SERPINF2: variants seen among roughly 807,000 people sequenced by gnomAD.
The protein encoded by SERPINF2 is serpin family F member 2, also known as alpha-2-antiplasmin.
Under a neutral mutation model 45.0 loss-of-function variants are expected in SERPINF2, and 15 were observed. The observed-to-expected ratio is 0.33, with a 90% confidence interval of 0.22 to 0.51. SERPINF2 has a LOEUF of 0.51. Ranked by LOEUF, SERPINF2 falls within the 20% of genes least tolerant of loss-of-function variation. The pLI is 0.97. For missense variants in SERPINF2, 518 were observed against 637.4 expected (o/e 0.81, Z 2.02); for synonymous variants, 283 against 277.9 (o/e 1.02, Z -0.18).
At chr17:1,753,994 T>G (rs1906615510) in intron 9 of SERPINF2, 128 bp from the exon 10 acceptor site, 3 of 1,066,920 alleles carry the variant, frequency 2.8e-6, no homozygotes, top group Non-Finnish European at 4.1e-6. Context: ...GGAAACCGGA[T>G]AGGAATGAAG....
intron 1 of SERPINF2, 80 bp downstream of exon 1, chr17:1,742,988 G>A: frequency 1.0e-6 from 1 of 985,486 alleles, no homozygotes; most frequent in Non-Finnish European, 1.2e-6. Flanking sequence ...AGGGGTCTGG[G>A]ATTTATTCAG....
chr17:1,744,737 A>T (rs1905635965), intron 1 of SERPINF2: 37 of 985,406 alleles, frequency 3.8e-5, no homozygotes, highest in Non-Finnish European at 4.5e-5. Context: ...ATTCACCAAA[A>T]CACCCTCAGT....
chr17:1,748,601 T>G lies in SERPINF2; in HGVS notation c.719T>G (p.Phe240Cys). ...CCTGCCCTCTGCTGGGTTTCAGGTT[T>G]CTGGAGGAACAAGTTTGACCCGAGC... is the stretch of plus-strand genomic sequence containing the variant. ...LLLNAIHFQG[F>C]WRNKFDPSLT... Residue 240 changes from phenylalanine (F) to cysteine (C), a missense_variant, in exon 8 of 10, where the codon TTC becomes TGC. Phe to Cys is a radical substitution (Grantham distance 205, BLOSUM62 -2). Around this residue, in one of 2 missense-constraint regions of SERPINF2, gnomAD observed 435 missense variants for 577.3 expected, o/e 0.75. Coordinates refer to ENST00000453066, the MANE Select transcript of SERPINF2 (RefSeq NM_000934.4). 6.2e-7 allele frequency: 1 copy of G among 1,613,652 alleles called. No individual in the cohort carries two copies. The highest frequency in any genetic ancestry group is 8.5e-7 in the Non-Finnish European group (1 of 1,180,042).
At chr17:1,751,781 A>G (rs1269634292) in intron 8 of SERPINF2, among the ~76,000 whole-genome samples, 1 of 135,728 alleles carries the variant, frequency 7.4e-6, no homozygotes. Context: ...AAGAAATCTT[A>G]AGCCAAATCA....
rs1307221980 is a variant in SERPINF2 at position 1,745,337 on chromosome 17, C to G, written c.107C>G (p.Thr36Ser). The G allele has an allele frequency of 6.2e-7, 1 of 1,613,260 alleles. No homozygotes were observed. Among genetic ancestry groups the G allele is most frequent in the Non-Finnish European group, 8.5e-7 (1 of 1,179,966 alleles). The change falls in exon 4 of 10, where the codon ACT becomes AGT. Residue 36 changes from threonine to serine, a missense_variant. This residue lies in a region of SERPINF2 where 435 missense variants were observed against 577.3 expected (regional missense o/e 0.75). Transcript: ENST00000453066. The surrounding 1 kb of genome is among the most constrained non-coding windows in gnomAD (Gnocchi z 6.2). ...SAMEPLGRQL[T>S]SGPNQEQVSP... ...TCTGCTTGCTCCTTTCCGCAGCTAA[C>G]TAGCGGGCCGAACCAGGAGCAGGTG...
At position 1,745,739 on chromosome 17, in the gene SERPINF2, C is replaced by T; in HGVS notation, c.197C>T (p.Pro66Leu). The change falls in exon 5 of 10, where the codon CCC becomes CTC. Residue 66 changes from proline (P) to leucine (L), a missense_variant. Transcript: ENST00000453066. The surrounding 1 kb of genome is among the most constrained non-coding windows in gnomAD (Gnocchi z 6.2). ...GGTGGCCAGACTGCCCTGAAGAGTC[C>T]CCCAGGAGTCTGCAGCAGAGACCCC... ...EPGGQTALKS[P>L]PGVCSRDPTP... is the part of the protein sequence containing the mutation. 2 of 1,613,868 alleles carry T rather than the reference C, an allele frequency of 1.2e-6. No individual in the cohort carries two copies. Among genetic ancestry groups the T allele is most frequent in the Non-Finnish European group, 1.7e-6 (2 of 1,179,994 alleles).
At chr17:1,754,090 A>G (rs1906625672) in intron 9 of SERPINF2, 32 bp from the exon 10 acceptor site, 1 of 1,599,862 alleles carries the variant, frequency 6.3e-7, no homozygotes, top group Non-Finnish European at 8.5e-7. Flanking sequence ...GGCCAAGGGC[A>G]GCTCTGACCA....
intron 8 of SERPINF2, among the ~76,000 whole-genome samples, 185 bp from the exon 9 acceptor site, chr17:1,752,401 C>A (rs1906478267): frequency 6.6e-6 from 1 of 152,128 alleles, no homozygotes; most frequent in African/African-American, 2.4e-5. Flanking sequence ...TACGTGTCCG[C>A]CTGCAGTGGG....
chr17:1,743,128 C>A lies in SERPINF2; in HGVS notation c.-5+220C>A, dbSNP rs59802660. 0.014 allele frequency: 9,819 copies of A among 700,308 alleles called. 711 individuals carry two copies. In the African/African-American group the frequency reaches 0.18, roughly 13 times the overall value. 43.4% of individuals were successfully genotyped at this position (700,308 alleles called of 1,614,324 possible). A position where few individuals can be genotyped will look rare whatever the true frequency, so the allele number is the denominator to read the frequency against. On this transcript the variant is annotated intron_variant, in intron 1 of 9. Transcript: ENST00000453066. The stretch of plus-strand genomic sequence containing the variant: ...CTCTTGTGTGGGATGGGGGTGGGGC[C>A]GGGGGGACCAAAGGATCCTCCAGAA...
chr17:1,747,047 G>T lies in SERPINF2; in HGVS notation c.396G>T (p.Leu132=). The T allele has an allele frequency of 6.2e-7, 1 of 1,607,494 alleles. No homozygotes were observed. The highest frequency in any genetic ancestry group is 8.5e-7 in the Non-Finnish European group (1 of 1,179,892). ...CTCAGAACCACACGTTGCAGAGGCT[G>T]CAACAGGTGCTGCACGCAGGCTCAG... The part of the protein sequence containing the change: ...LGAQNHTLQR[L]QQVLHAGSGP... The change falls in exon 6 of 10, where the codon CTG becomes CTT. Residue 132 remains leucine, a synonymous_variant. Transcript: ENST00000453066.
chr17:1,747,378 C>T lies in SERPINF2; in HGVS notation c.581C>T (p.Thr194Met), dbSNP rs1020280805. ...QLFGAKPVSL[T>M]GKQEDDLANI... ...TTTGGGGCAAAGCCCGTGAGCCTGACGGGAAAGCAGGAAGATGACCTGGCA... is the reference window on the plus strand; with the variant it reads ...TTTGGGGCAAAGCCCGTGAGCCTGATGGGAAAGCAGGAAGATGACCTGGCA... The change falls in exon 7 of 10, where the codon ACG becomes ATG. Residue 194 changes from threonine to methionine, a missense_variant. By Grantham distance (81) the Thr-to-Met change is moderately conservative (BLOSUM62 -1). This residue lies in a region of SERPINF2 where 435 missense variants were observed against 577.3 expected (regional missense o/e 0.75). Coordinates refer to ENST00000453066, the MANE Select transcript of SERPINF2 (RefSeq NM_000934.4). 94 of 1,614,038 alleles carry T rather than the reference C, an allele frequency of 5.8e-5. No homozygotes were observed. Among genetic ancestry groups the T allele is most frequent in the Non-Finnish European group, 7.5e-5 (89 of 1,180,050 alleles).
intron 1 of SERPINF2, chr17:1,744,499 A>G (rs1333040366): frequency 1.0e-6 from 1 of 976,436 alleles, no homozygotes. Context: ...GTCTCAAAAA[A>G]TAAACAACAA....
At chr17:1,743,621 A>G (rs1281083507) in intron 1 of SERPINF2, among the ~76,000 whole-genome samples, 3 of 148,556 alleles carry the variant, frequency 2.0e-5, no homozygotes, top group African/African-American at 7.5e-5. Flanking sequence ...AGGCTGAGGC[A>G]GGAGAATCGC....
At chr17:1,743,275 G>C (rs1905458611) in intron 1 of SERPINF2, among the ~76,000 whole-genome samples, 1 of 152,250 alleles carries the variant, frequency 6.6e-6, no homozygotes, top group African/African-American at 2.4e-5. Context: ...ATGCTCCTAA[G>C]TGCAGAGGTG....
At chr17:1,743,715 CAAAA>C (rs61163841) in intron 1 of SERPINF2, among the ~76,000 whole-genome samples, 4 of 33,742 alleles carry the variant, frequency 1.2e-4, no homozygotes, top group South Asian at 1.3e-3. Context: ...AACTCCATCT[CAAAA>C]AAAAAAAAAA....
At chr17:1,746,891 G>C (rs560295951) in intron 5 of SERPINF2, 128 bp from the exon 6 acceptor site, 1 of 1,273,600 alleles carries the variant, frequency 7.9e-7, no homozygotes. Context: ...GAACAGATCC[G>C]TGGCTGTGGA....
At chr17:1,753,542 C>T (rs956823299) in intron 9 of SERPINF2, among the ~76,000 whole-genome samples, 2 of 152,090 alleles carry the variant, frequency 1.3e-5, no homozygotes, top group Admixed American at 6.6e-5. Context: ...AAAAATTAGC[C>T]GGGCGTGGTG....
Position 1,745,002 on chromosome 17 carries a change from C to T in SERPINF2, c.7C>T (p.Leu3=). The change falls in exon 2 of 10, where the codon CTG becomes TTG. Residue 3 remains leucine (L), a synonymous_variant. Transcript: ENST00000453066. The surrounding 1 kb of genome is among the most constrained non-coding windows in gnomAD (Gnocchi z 6.2). The part of the protein sequence containing the change: MA[L]LWGLLVLSWS... Reference sequence around the variant, plus strand: ...CTGTCCCTGCCACAGGAACATGGCGCTGCTCTGGGGGCTCCTGGTGCTCAG... The same window carrying T: ...CTGTCCCTGCCACAGGAACATGGCGTTGCTCTGGGGGCTCCTGGTGCTCAG... 2 of 1,613,828 alleles carry T rather than the reference C, an allele frequency of 1.2e-6. No homozygotes were observed. Among genetic ancestry groups the T allele is most frequent in the Non-Finnish European group, 1.7e-6 (2 of 1,180,010 alleles).
At position 1,754,242 on chromosome 17, in the gene SERPINF2, C is replaced by T. The variant is rs752766333; in HGVS notation, c.1184C>T (p.Ala395Val). 1.1e-5 allele frequency: 18 copies of T among 1,614,040 alleles called. No individual in the cohort carries two copies. Among genetic ancestry groups the T allele is most frequent in the Non-Finnish European group, 1.5e-5 (18 of 1,180,048 alleles). Reference protein sequence around the residue: ...ELSEVGVEAAAATSIAMSRMS... With the variant: ...ELSEVGVEAAVATSIAMSRMS... The stretch of plus-strand genomic sequence containing the variant: ...AGCGAGGTCGGCGTGGAGGCGGCGG[C>T]GGCCACCAGCATTGCCATGTCCCGC... Residue 395 changes from alanine (A) to valine (V), a missense_variant, in exon 10 of 10, where the codon GCG becomes GTG. Physicochemically the swap from Ala to Val is moderately conservative, Grantham distance 64 (BLOSUM62 0). Coordinates refer to ENST00000453066, the MANE Select transcript of SERPINF2 (RefSeq NM_000934.4).
Sources: allele counts gnomAD v4.1 joint callset (sites outside exome capture counted in the v4.1 genomes callset), GRCh38; gene constraint gnomAD v4.1.1; regional missense constraint gnomAD v4.1.1; non-coding constraint Gnocchi (gnomAD v3.1); transcripts MANE v1.5; gene names NCBI Gene and HGNC (gene_info 2026-07-23, HGNC 2026-07-21).